ZNF581: variants seen among roughly 807,000 people sequenced by gnomAD.
The protein encoded by ZNF581 is zinc finger protein 581.
In ZNF581, 1 loss-of-function variant was observed where a neutral mutation model predicts 1.2. The ratio of observed to expected loss-of-function variants is 0.83; its 90% CI spans 0.30 to 3.95. The LOEUF (loss-of-function observed/expected upper bound fraction) is 3.95, where lower values mean the gene tolerates loss of function less well. Among genes scored for constraint, ZNF581 ranks in the 30% most tolerant of loss-of-function variants. The pLI, the probability that ZNF581 is intolerant of heterozygous loss-of-function variation, is 0.18. For missense variants in ZNF581, 273 were observed against 274.6 expected (o/e 0.99, Z 0.04); for synonymous variants, 105 against 109.2 (o/e 0.96, Z 0.24).
At chr19:55,642,097 A>C, upstream of ZNF581, 1 of 996,146 alleles carries the variant, frequency 1.0e-6, no homozygotes, top group Non-Finnish European at 1.2e-6. Flanking sequence ...AAGAAACCAC[A>C]GATTAGAGAA....
chr19:55,643,081 C>T, upstream of ZNF581: 5 of 1,336,036 alleles, frequency 3.7e-6, no homozygotes, highest in East Asian at 3.1e-5. Flanking sequence ...CAAGTCTGAC[C>T]CACACAGCGT....
chr19:55,642,031 G>C, upstream of ZNF581: 1 of 985,406 alleles, frequency 1.0e-6, no homozygotes, highest in Non-Finnish European at 1.2e-6. Context: ...GGGGGGGTAG[G>C]GGGCGGCAAA....
chr19:55,642,591 C>A, upstream of ZNF581: 1 of 1,452,170 alleles, frequency 6.9e-7, no homozygotes. Flanking sequence ...AAGGCTCCCC[C>A]TTTCCCCAAG....
At chr19:55,643,576 G>A (rs1053354637), upstream of ZNF581, 1 of 152,734 alleles carries the variant, frequency 6.5e-6, no homozygotes, top group Non-Finnish European at 1.5e-5. Context: ...TCTGGCCGGA[G>A]CCGTTTCGCG....
Position 55,645,060 on chromosome 19 carries a change from C to T in ZNF581, c.489C>T (p.His163=), listed in dbSNP as rs1982770960. The T allele has an allele frequency of 1.3e-6, 2 of 1,572,034 alleles. No individual in the cohort carries two copies. Among genetic ancestry groups the T allele is most frequent in the East Asian group, 4.5e-5 (2 of 44,290 alleles). The part of the protein sequence containing the change: ...RFRDAGELAQ[H]SRVHSGERPF... ...GGGATGCGGGTGAGCTGGCCCAGCA[C>T]AGCCGGGTGCACTCTGGGGAACGCC... Residue 163 remains histidine (H), a synonymous_variant, in exon 2 of 2, where the codon CAC becomes CAT. Transcript: ENST00000270451.
upstream of ZNF581, among the ~76,000 whole-genome samples, chr19:55,639,162 A>G (rs1982286892): frequency 6.6e-6 from 1 of 152,168 alleles, no homozygotes; most frequent in Non-Finnish European, 1.5e-5. Flanking sequence ...GACACGGGCA[A>G]TGTGTAGAGA....
chr19:55,642,982 C>T, upstream of ZNF581: 1 of 1,374,748 alleles, frequency 7.3e-7, no homozygotes, highest in South Asian at 1.8e-5. Flanking sequence ...GCCCACGCCG[C>T]TTCCAGGACG....
chr19:55,642,712 G>T (rs1020221631), upstream of ZNF581: 2 of 1,500,042 alleles, frequency 1.3e-6, no homozygotes, highest in Non-Finnish European at 8.9e-7. Context: ...ACACGGTGCA[G>T]CTGGAGGAGG....
chr19:55,636,246 C>G (rs1982082578), upstream of ZNF581, among the ~76,000 whole-genome samples: 1 of 151,954 alleles, frequency 6.6e-6, no homozygotes, highest in African/African-American at 2.4e-5. Context: ...ATATGGTGGT[C>G]CAGGTGAGAA....
chr19:55,637,897 T>G (rs919348280), upstream of ZNF581, among the ~76,000 whole-genome samples: 1 of 152,192 alleles, frequency 6.6e-6, no homozygotes, highest in Non-Finnish European at 1.5e-5. Flanking sequence ...GAGTGAGGGC[T>G]CAATAAATGT....
At chr19:55,640,237 C>A (rs1233174586), upstream of ZNF581, 1 of 985,314 alleles carries the variant, frequency 1.0e-6, no homozygotes, top group East Asian at 1.1e-4. Context: ...CTCTCCAGTG[C>A]GGCTGCAGCG....
At chr19:55,639,392 G>C (rs140579193), upstream of ZNF581, among the ~76,000 whole-genome samples, 24 of 152,296 alleles carry the variant, frequency 1.6e-4, no homozygotes, top group East Asian at 4.6e-3. Flanking sequence ...AGGCTGCAGT[G>C]AGCCAGAAGC....
upstream of ZNF581, among the ~76,000 whole-genome samples, chr19:55,637,895 G>C (rs1036446359): frequency 6.6e-6 from 1 of 152,190 alleles, no homozygotes; most frequent in Non-Finnish European, 1.5e-5. Context: ...CCGAGTGAGG[G>C]CTCAATAAAT....
chr19:55,635,837 G>A (rs1982059816), intron 1 of ZNF581: 1 of 529,064 alleles, frequency 1.9e-6, no homozygotes, highest in Non-Finnish European at 2.4e-6. Flanking sequence ...CTGGTGAGCA[G>A]GGCATATAGG....
chr19:55,642,714 TGGA>T (rs967284078), upstream of ZNF581: 1 of 1,503,220 alleles, frequency 6.7e-7, no homozygotes. Context: ...ACGGTGCAGC[TGGA>T]GGAGGAGCCC....
Position 55,645,303 on chromosome 19 carries a change from G to C in ZNF581, c.*138G>C. On this transcript the variant is annotated 3_prime_UTR_variant, in exon 2 of 2. Coordinates refer to ENST00000270451, the MANE Select transcript of ZNF581 (RefSeq NM_016535.4). ...AGAGCAGCCGCATCTCAAAGGCAGA[G>C]CCCTGCCTGAAGGAGGAATCCGTGA... The C allele has an allele frequency of 1.4e-6, 1 of 704,500 alleles. No individual in the cohort carries two copies. Among genetic ancestry groups the C allele is most frequent in the Non-Finnish European group, 2.2e-6 (1 of 456,972 alleles). The allele number at this position is 704,500 out of a possible 1,614,324, so 43.6% of individuals were successfully genotyped here.
Position 55,644,654 on chromosome 19 carries a change from G to C in ZNF581, c.83G>C (p.Cys28Ser). 6.2e-7 allele frequency: 1 copy of C among 1,611,656 alleles called. No homozygotes were observed. Among genetic ancestry groups the C allele is most frequent in the Non-Finnish European group, 8.5e-7 (1 of 1,178,938 alleles). The change falls in exon 2 of 2, where the codon TGC becomes TCC. Residue 28 changes from cysteine (C) to serine (S), a missense_variant. Cys to Ser is a moderately radical substitution (Grantham distance 112). Transcript: ENST00000270451. The surrounding 1 kb of genome is among the most constrained non-coding windows in gnomAD (Gnocchi z 4.3). ...ATGGAGGGCCCTCCCCGTCGGACTT[G>C]CCGCTCCCCAGAACCTGGACCTTCC... Reference protein sequence around the residue: ...ETMEGPPRRTCRSPEPGPSSS... With the variant: ...ETMEGPPRRTSRSPEPGPSSS...
upstream of ZNF581, chr19:55,640,143 G>C: frequency 5.1e-6 from 5 of 985,480 alleles, no homozygotes; most frequent in Non-Finnish European, 6.0e-6. Context: ...TGCAGATGCT[G>C]CTGCTGCCGC....
At chr19:55,642,779 G>A, upstream of ZNF581, 3 of 1,554,358 alleles carry the variant, frequency 1.9e-6, no homozygotes, top group Non-Finnish European at 2.6e-6. Flanking sequence ...CCCTCGCAAG[G>A]GCTACAGCTG....
Sources: gnomAD v4.1 joint callset for allele counts (sites outside exome capture counted in the v4.1 genomes callset) on GRCh38, gnomAD v4.1.1 for gene constraint, Gnocchi (gnomAD v3.1) non-coding constraint, MANE v1.5 for transcripts, NCBI Gene and HGNC (gene_info 2026-07-23, HGNC 2026-07-21) for gene names.